The following ANKRD30A variants were observed in gnomAD, a reference collection of about 807,000 sequenced individuals.
ANKRD30A encodes ankyrin repeat domain-containing protein 30A.
ANKRD30A carries 170 observed loss-of-function variants against 166.3 expected under a neutral mutation model. The ratio of observed to expected loss-of-function variants is 1.02; its 90% CI spans 0.90 to 1.16. ANKRD30A has a LOEUF of 1.16. ANKRD30A is among the 50% of genes most tolerant of loss of function. The probability of loss-of-function intolerance (pLI) is 0.00; values close to 1 mark genes in which losing one functional copy is unlikely to be tolerated. For missense variants in ANKRD30A, 1,630 were observed against 1,518.0 expected (o/e 1.07, Z -1.23); for synonymous variants, 564 against 508.9 (o/e 1.11, Z -1.46).
At chr10:37,151,551 T>C (rs17589995) in intron 11 of ANKRD30A, among the ~76,000 whole-genome samples, 237 of 152,142 alleles carry the variant, frequency 1.6e-3, no homozygotes, top group Middle Eastern at 6.8e-3. Flanking sequence ...TCATAGAATA[T>C]TGAAATGTAA....
At chr10:37,191,386 C>T (rs901926818) in intron 25 of ANKRD30A, among the ~76,000 whole-genome samples, 16 of 151,882 alleles carry the variant, frequency 1.1e-4, no homozygotes, top group African/African-American at 3.6e-4. Flanking sequence ...AACTCTCATC[C>T]GAACTGTGTG....
intron 7 of ANKRD30A, among the ~76,000 whole-genome samples, chr10:37,144,424 A>G (rs1837361804): frequency 6.6e-6 from 1 of 152,220 alleles, no homozygotes; most frequent in Non-Finnish European, 1.5e-5. Flanking sequence ...TTTTTAATTT[A>G]TATGCAATAC....
At chr10:37,251,247 A>T in the ANKRD30A span, among the ~76,000 whole-genome samples, 25 of 152,318 alleles carry the variant, frequency 1.6e-4, no homozygotes, top group South Asian at 5.0e-3. Flanking sequence ...GAACTAGGAT[A>T]TGACAACTGA....
chr10:37,190,692 A>G lies in ANKRD30A; in HGVS notation c.2512+1135A>G, dbSNP rs1840482590. 7.9e-5 allele frequency among the ~76,000 whole-genome samples: 12 copies of G among 151,930 alleles called. No homozygotes were observed. In the South Asian group the frequency reaches 2.5e-3, roughly 32 times the overall value. On this transcript the variant is annotated intron_variant, in intron 25 of 35. Coordinates refer to ENST00000361713, the MANE Select transcript of ANKRD30A (RefSeq NM_052997.3). ...GTGAGCTCACTTCGGAAGCATTTAGAAAAGTTTTACTGCAGAGTGCTAGAG... is the reference window on the plus strand; with the variant it reads ...GTGAGCTCACTTCGGAAGCATTTAGGAAAGTTTTACTGCAGAGTGCTAGAG...
chr10:37,236,117 T>G (rs1843665236), downstream of ANKRD30A, among the ~76,000 whole-genome samples: 1 of 152,096 alleles, frequency 6.6e-6, no homozygotes. Flanking sequence ...GGGGTTGTGT[T>G]GAAGAATATA....
chr10:37,135,587 A>C (rs1836630636), intron 5 of ANKRD30A, among the ~76,000 whole-genome samples: 2 of 152,230 alleles, frequency 1.3e-5, no homozygotes, highest in African/African-American at 4.8e-5. Flanking sequence ...ACTTACAAAA[A>C]ACAGTGGTGG....
chr10:37,252,429 T>C, the ANKRD30A span, among the ~76,000 whole-genome samples: 2 of 152,178 alleles, frequency 1.3e-5, no homozygotes, highest in Non-Finnish European at 2.9e-5. Context: ...ACAGTGCACA[T>C]GTATAAAATA....
At chr10:37,164,972 A>G (rs1839195545) in intron 17 of ANKRD30A, 122 bp from the exon 18 acceptor site, 2 of 1,043,484 alleles carry the variant, frequency 1.9e-6, no homozygotes, top group Non-Finnish European at 2.9e-6. Context: ...ATCAACAAAA[A>G]GAACATATGG....
intron 1 of ANKRD30A, among the ~76,000 whole-genome samples, chr10:37,126,874 G>A (rs71502266): frequency 2.0e-5 from 3 of 151,364 alleles, no homozygotes; most frequent in Non-Finnish European, 4.4e-5. Context: ...ATGGTGAAAC[G>A]CCGTCTCTAC....
chr10:37,263,956 T>C, the ANKRD30A span, among the ~76,000 whole-genome samples: 2 of 152,146 alleles, frequency 1.3e-5, no homozygotes, highest in African/African-American at 4.8e-5. Flanking sequence ...TGGATTAGAT[T>C]GTGAGTTGTG....
At position 37,158,560 on chromosome 10, in the gene ANKRD30A, T is replaced by C; in HGVS notation, c.1874T>C (p.Leu625Ser). Reference protein sequence around the residue: ...KVSIPTKALELKDMQTFKAEP... With the variant: ...KVSIPTKALESKDMQTFKAEP... The stretch of plus-strand genomic sequence containing the variant: ...TCTATTCCAACTAAAGCCTTAGAAT[T>C]GAAGGACATGCAAACTTTCAAAGCA... The change falls in exon 15 of 36, where the codon TTG (leucine) becomes TCG (serine). Residue 625 changes from leucine to serine, a missense_variant. Around this residue, in one of 4 missense-constraint regions of ANKRD30A, gnomAD observed 904 missense variants for 818.5 expected, o/e 1.10. Coordinates refer to ENST00000361713, the MANE Select transcript of ANKRD30A (RefSeq NM_052997.3). 1 of 1,613,426 alleles carries C rather than the reference T, an allele frequency of 6.2e-7. No individual in the cohort carries two copies. The highest frequency in any genetic ancestry group is 1.1e-5 in the South Asian group (1 of 90,870).
At chr10:37,141,650 G>C in intron 6 of ANKRD30A, 68 bp from the exon 7 acceptor site, 1 of 1,579,450 alleles carries the variant, frequency 6.3e-7, no homozygotes, top group Non-Finnish European at 8.6e-7. Flanking sequence ...GTAGAAGTTT[G>C]CCAGGTGAAG....
the ANKRD30A span, among the ~76,000 whole-genome samples, chr10:37,253,385 G>A: frequency 6.6e-6 from 1 of 152,092 alleles, no homozygotes; most frequent in Admixed American, 6.6e-5. Flanking sequence ...GTGTACAATT[G>A]TATAGTTTTT....
In ANKRD30A at chr10:37,125,773, C is replaced by A. The variant is rs1031181234; in HGVS notation, c.-15C>A. ...ATCGGGAGGCGCGGGCACTCTCTAG[C>A]AGGTGGCCGCAGCCATGGAGGAGAT... On this transcript the variant is annotated 5_prime_UTR_variant, in exon 1 of 36. Transcript: ENST00000361713. The A allele has an allele frequency of 3.4e-5, 21 of 626,392 alleles. No homozygotes were observed. Among genetic ancestry groups the A allele is most frequent in the Non-Finnish European group, 5.4e-5 (19 of 349,942 alleles). The allele number at this position is 626,392 out of a possible 1,614,324, so 38.8% of individuals were successfully genotyped here.
intron 31 of ANKRD30A, among the ~76,000 whole-genome samples, chr10:37,205,094 A>T (rs1314180515): frequency 2.0e-5 from 3 of 152,162 alleles, no homozygotes; most frequent in African/African-American, 7.2e-5. Flanking sequence ...GGATCCCATT[A>T]CTGGTTATAT....
chr10:37,221,429 T>TTC (rs1213877117), intron 34 of ANKRD30A, among the ~76,000 whole-genome samples: 1 of 151,178 alleles, frequency 6.6e-6, no homozygotes, highest in Non-Finnish European at 1.5e-5. Flanking sequence ...ATCTCAAAGA[T>TTC]GAGATACAGG....
chr10:37,166,055 A>G (rs1350072754), intron 18 of ANKRD30A, among the ~76,000 whole-genome samples: 1 of 152,114 alleles, frequency 6.6e-6, no homozygotes, highest in Non-Finnish European at 1.5e-5. Flanking sequence ...TTTGTCAGAA[A>G]CATGTTGCTT....
chr10:37,265,295 TC>T, the ANKRD30A span, among the ~76,000 whole-genome samples: 3 of 152,184 alleles, frequency 2.0e-5, no homozygotes, highest in Non-Finnish European at 4.4e-5. Flanking sequence ...AATCTTGTGG[TC>T]CATGCCTCCT....
Position 37,201,310 on chromosome 10 carries a change from AG to A in ANKRD30A, c.2855del (p.Ser952MetfsTer4). The A allele has an allele frequency of 6.3e-7, 1 of 1,586,668 alleles. No homozygotes were observed. Among genetic ancestry groups the A allele is most frequent in the Non-Finnish European group, 8.6e-7 (1 of 1,168,780 alleles). On this transcript the variant is annotated frameshift_variant, in exon 31 of 36. Transcript: ENST00000361713. LOFTEE classifies it high-confidence loss of function. Reference sequence around the variant, plus strand: ...ACATCAAAAAGAAATGGATAAAATAAGTGGAAAATTAGAAGGTAAGAACCAT... The same window carrying A: ...ACATCAAAAAGAAATGGATAAAATAATGGAAAATTAGAAGGTAAGAACCAT... The part of the protein sequence containing the change: ...ATHQKEMDKI[S>X]GKLEDSTSLS...
Sources: gnomAD v4.1 joint callset for allele counts (sites outside exome capture counted in the v4.1 genomes callset) on GRCh38, gnomAD v4.1.1 for gene constraint, gnomAD v4.1.1 regional missense constraint, MANE v1.5 for transcripts, NCBI Gene and HGNC (gene_info 2026-07-23, HGNC 2026-07-21) for gene names.